The following SRP14 variants were observed in gnomAD, a reference collection of about 807,000 sequenced individuals.
SRP14 encodes the protein signal recognition particle 14, also known as signal recognition particle 14 kDa protein.
Under a neutral mutation model 16.0 loss-of-function variants are expected in SRP14, and 1 was observed. The observed-to-expected ratio is 0.06, with a 90% CI of 0.02 to 0.30. The LOEUF (loss-of-function observed/expected upper bound fraction) is 0.30. SRP14 is among the 10% of genes least tolerant of loss of function. The probability of loss-of-function intolerance (pLI) is 1.00; values close to 1 mark genes in which losing one functional copy is unlikely to be tolerated. For synonymous variants in SRP14, 67 were observed against 60.1 expected (o/e 1.12, Z -0.53); for missense variants, 120 against 163.1 (o/e 0.74, Z 1.44).
chr15:40,038,137 C>T, intron 3 of SRP14, 145 bp downstream of exon 3: 1 of 658,908 alleles, frequency 1.5e-6, no homozygotes, highest in Non-Finnish European at 2.7e-6. Context: ...GTTTCCACTA[C>T]TAAAGTATAG....
At chr15:40,037,041 G>T in intron 3 of SRP14, 23 bp from the exon 4 acceptor site, 1 of 1,612,660 alleles carries the variant, frequency 6.2e-7, no homozygotes, top group African/African-American at 1.3e-5. Context: ...GAAAAAAGAG[G>T]TCATACCTAT....
At chr15:40,038,540 G>A in intron 2 of SRP14, 146 bp from the exon 3 acceptor site, 1 of 636,372 alleles carries the variant, frequency 1.6e-6, no homozygotes, top group Non-Finnish European at 2.8e-6. Flanking sequence ...TGCTATCACG[G>A]TCTGGCGAAA....
chr15:40,037,140 C>G, intron 3 of SRP14, 122 bp from the exon 4 acceptor site: 1 of 1,297,354 alleles, frequency 7.7e-7, no homozygotes, highest in Non-Finnish European at 1.0e-6. Flanking sequence ...TACTTCTCCC[C>G]AACTTCAGGG....
In SRP14 at chr15:40,036,350, C is replaced by T. The variant is rs8683; in HGVS notation, c.394G>A (p.Ala132Thr). The T allele has an allele frequency of 7.8e-5, 125 of 1,612,746 alleles. No homozygotes were observed. Among genetic ancestry groups the T allele is most frequent in the Non-Finnish European group, 1.0e-4 (120 of 1,179,354 alleles). ...TATGCCCTTTACTGTGCTGCTGTTG[C>T]TGCTGTTGTTGCTGCTGTTGTTGGT... ...TAPTTAATTA[A>T]TAAQ Residue 132 changes from alanine to threonine, a missense_variant, in exon 5 of 5, where the codon GCA becomes ACA. Transcript: ENST00000267884.
chr15:40,038,778 A>G (rs1825785186), intron 2 of SRP14, 98 bp downstream of exon 2: 3 of 1,295,378 alleles, frequency 2.3e-6, no homozygotes, highest in Non-Finnish European at 3.3e-6. Context: ...GGGTGGGGAA[A>G]GGTAGAGGAA....
chr15:40,039,048 C>A (rs1162517293), intron 1 of SRP14, 45 bp downstream of exon 1: 1 of 1,606,902 alleles, frequency 6.2e-7, no homozygotes, highest in Non-Finnish European at 8.5e-7. Context: ...TCTCGAGTAA[C>A]GCCTGAGCCG....
chr15:40,039,133 C>A lies in SRP14; in HGVS notation c.-17G>T. The A allele has an allele frequency of 2.5e-6, 4 of 1,608,368 alleles. No individual in the cohort carries two copies. Among genetic ancestry groups the A allele is most frequent in the Non-Finnish European group, 3.4e-6 (4 of 1,178,360 alleles). ...CAACACCATCGCGGCGACGCTGGCT[C>A]GACTCCCTCCGCTTAAGCCCCTAGC... On this transcript the variant is annotated 5_prime_UTR_variant, in exon 1 of 5. Transcript: ENST00000267884.
intron 2 of SRP14, 171 bp downstream of exon 2, chr15:40,038,705 G>T: frequency 1.4e-6 from 1 of 710,578 alleles, no homozygotes; most frequent in Non-Finnish European, 2.3e-6. Context: ...TCAGTGCTGG[G>T]GACTGAGCCA....
At chr15:40,039,052 T>C in intron 1 of SRP14, 41 bp downstream of exon 1, 1 of 1,607,798 alleles carries the variant, frequency 6.2e-7, no homozygotes, top group Non-Finnish European at 8.5e-7. Context: ...GAGTAACGCC[T>C]GAGCCGCCCC....
At position 40,039,149 on chromosome 15, in the gene SRP14, A is replaced by T. The variant is rs759546985; in HGVS notation, c.-33T>A. 6.2e-7 allele frequency: 1 copy of T among 1,602,530 alleles called. No homozygotes were observed. Among genetic ancestry groups the T allele is most frequent in the Non-Finnish European group, 8.5e-7 (1 of 1,176,402 alleles). On this transcript the variant is annotated 5_prime_UTR_variant, in exon 1 of 5. Coordinates refer to ENST00000267884, the MANE Select transcript of SRP14 (RefSeq NM_003134.6). ...ACGCTGGCTCGACTCCCTCCGCTTAAGCCCCTAGCAGTGAGAGCCGGAAGT... is the reference window on the plus strand; with the variant it reads ...ACGCTGGCTCGACTCCCTCCGCTTATGCCCCTAGCAGTGAGAGCCGGAAGT...
At chr15:40,037,279 G>GAAA (rs3215044) in intron 3 of SRP14, 26,218 of 744,936 alleles carry the variant, frequency 0.035, 30 homozygotes, top group Non-Finnish European at 0.039. Context: ...TCCTTTTGGG[G>GAAA]AAAAAAAAAA....
chr15:40,038,922 G>A lies in SRP14; in HGVS notation c.51C>T (p.Phe17=), dbSNP rs1295762880. 1.2e-6 allele frequency: 2 copies of A among 1,613,320 alleles called. No homozygotes were observed. Among genetic ancestry groups the A allele is most frequent in the African/African-American group, 2.7e-5 (2 of 74,858 alleles). The change falls in exon 2 of 5, where the codon TTC becomes TTT. Residue 17 remains phenylalanine, a synonymous_variant. Transcript: ENST00000267884. ...EQFLTELTRL[F]QKCRTSGSVY... is the part of the protein sequence containing the mutation. ...CGCTGCCCGACGTCCGGCACTTCTG[G>A]AAAAGTCTGGTCAGCTCCGTCAGGA... is the stretch of plus-strand genomic sequence containing the variant.
chr15:40,038,740 G>T, intron 2 of SRP14, 136 bp downstream of exon 2: 1 of 919,722 alleles, frequency 1.1e-6, no homozygotes, highest in Non-Finnish European at 1.7e-6. Flanking sequence ...TATTTTCCGG[G>T]CCCGAAGCCC....
At chr15:40,036,722 C>A in intron 4 of SRP14, 4 of 650,858 alleles carry the variant, frequency 6.1e-6, no homozygotes, top group South Asian at 2.0e-5. Flanking sequence ...CGTTTTTTTC[C>A]AAGGGAAAAT....
At position 40,038,833 on chromosome 15, in the gene SRP14, G is replaced by C. The variant is rs201102997; in HGVS notation, c.97+43C>G. The stretch of plus-strand genomic sequence containing the variant: ...CAGACTCCGGTGGCTCCCAGACACC[G>C]GGAACCCAGGGAGCATCGCCCGGCT... On this transcript the variant is annotated intron_variant, in intron 2 of 4. Coordinates refer to ENST00000267884, the MANE Select transcript of SRP14 (RefSeq NM_003134.6). 227 of 1,604,818 alleles carry C rather than the reference G, an allele frequency of 1.4e-4. 2 individuals are homozygous for C. The African/African-American group carries it at 2.8e-3, about 20-fold the overall frequency.
chr15:40,037,615 C>CGCGGGAGA lies in SRP14; in HGVS notation c.211-598_211-597insTCTCCCGC, dbSNP rs1567014648. Among the ~76,000 whole-genome samples the CGCGGGAGA allele has an allele frequency of 1.7e-4, 16 of 96,350 alleles. 3 individuals are homozygous for CGCGGGAGA. The highest frequency in any genetic ancestry group is 2.8e-4 in the Admixed American group (3 of 10,806). 63.2% of individuals were successfully genotyped at this position (96,350 alleles called of 152,430 possible). ...TAGAAGTCCTCTCAAGATAACTTGT[C>CGCGGGAGA]CTTAGGTTTTTGTTATTTCATGATA... On this transcript the variant is annotated intron_variant, in intron 3 of 4. Transcript: ENST00000267884.
intron 2 of SRP14, 26 bp from the exon 3 acceptor site, chr15:40,038,420 AACACGGCCGCGT>A: frequency 6.5e-7 from 1 of 1,530,620 alleles, no homozygotes; most frequent in Non-Finnish European, 9.1e-7. Flanking sequence ...CATCCTGGTG[AACACGGCCGCGT>A]ACGTGGCTGA....
intron 2 of SRP14, chr15:40,038,619 T>C: frequency 1.6e-6 from 1 of 607,180 alleles, no homozygotes; most frequent in Non-Finnish European, 2.9e-6. Context: ...CCACTCAAAG[T>C]GGCGGCGTCT....
rs1595444353 is a variant in SRP14, at chr15:40,036,504, A to C, written c.244-4T>G. ...CTCTAAGGAGGTTTGAATAAGCCTG[A>C]AAGATACAACAGAGCATACCTTAGT... On this transcript the variant is annotated splice_region_variant and splice_polypyrimidine_tract_variant and intron_variant, in intron 4 of 4. Coordinates refer to ENST00000267884, the MANE Select transcript of SRP14 (RefSeq NM_003134.6). The C allele has an allele frequency of 2.5e-6, 4 of 1,613,688 alleles. No homozygotes were observed. The highest frequency in any genetic ancestry group is 2.5e-6 in the Non-Finnish European group (3 of 1,179,700).
Sources: gnomAD v4.1 joint callset for allele counts (sites outside exome capture counted in the v4.1 genomes callset) on GRCh38, gnomAD v4.1.1 for gene constraint, MANE v1.5 for transcripts, NCBI Gene and HGNC (gene_info 2026-07-23, HGNC 2026-07-21) for gene names.